The following LAPTM5 variants were observed in gnomAD, a reference collection of about 807,000 sequenced individuals.
LAPTM5 encodes the protein lysosomal-associated transmembrane protein 5.
LAPTM5 carries 11 observed loss-of-function variants against 30.1 expected under a neutral mutation model. That is an observed-to-expected ratio of 0.37 (90% confidence interval 0.23 to 0.60). LAPTM5 has a LOEUF of 0.60. LAPTM5 is among the 20% of genes least tolerant of loss of function. LAPTM5 has a pLI of 0.71. For synonymous variants in LAPTM5, 151 were observed against 137.9 expected (o/e 1.10, Z -0.67); for missense variants, 324 against 332.5 (o/e 0.97, Z 0.20).
intron 2 of LAPTM5, chr1:30,742,009 T>A (rs1249741274): frequency 2.7e-6 from 1 of 365,340 alleles, no homozygotes; most frequent in Non-Finnish European, 5.1e-6. Flanking sequence ...CTGAGAGCAA[T>A]GAGGAATCGG....
At chr1:30,755,936 C>T (rs2124204253) in intron 1 of LAPTM5, among the ~76,000 whole-genome samples, 1 of 152,320 alleles carries the variant, frequency 6.6e-6, no homozygotes, top group South Asian at 2.1e-4. Context: ...CTCCCGGGGT[C>T]ACCGCAGGCC....
At position 30,739,450 on chromosome 1, in the gene LAPTM5, T is replaced by C. The variant is rs142810679; in HGVS notation, c.387+359A>G. ...CTTCTCTTCCTTTCTTCAACTTGGT[T>C]CCAAAGAAGAAATAATACTGGGGGC... is the stretch of plus-strand genomic sequence containing the variant. On this transcript the variant is annotated intron_variant, in intron 4 of 7. Coordinates refer to ENST00000294507, the MANE Select transcript of LAPTM5 (RefSeq NM_006762.3). The surrounding 1 kb of genome is among the most constrained non-coding windows in gnomAD (Gnocchi z 4.2). 6.6e-6 allele frequency among the ~76,000 whole-genome samples: 1 copy of C among 152,228 alleles called. No individual in the cohort carries two copies. The highest frequency in any genetic ancestry group is 1.5e-5 in the Non-Finnish European group (1 of 68,030).
intron 1 of LAPTM5, among the ~76,000 whole-genome samples, chr1:30,750,484 C>G (rs1481766972): frequency 6.6e-6 from 1 of 152,220 alleles, no homozygotes; most frequent in Admixed American, 6.5e-5. Context: ...GGCCGACTGA[C>G]CATACACTCT....
intron 2 of LAPTM5, 105 bp from the exon 3 acceptor site, chr1:30,741,821 G>T: frequency 1.4e-6 from 1 of 734,110 alleles, no homozygotes; most frequent in Non-Finnish European, 2.2e-6. Context: ...ACATGAGGAT[G>T]CACAGGAAAG....
At chr1:30,733,952 T>C in intron 7 of LAPTM5, 35 bp from the exon 8 acceptor site, 1 of 1,596,080 alleles carries the variant, frequency 6.3e-7, no homozygotes, top group Non-Finnish European at 8.5e-7. Flanking sequence ...CTGAGTATGG[T>C]CAAGAATGAC....
intron 1 of LAPTM5, among the ~76,000 whole-genome samples, chr1:30,749,791 C>T (rs1640105001): frequency 6.6e-6 from 1 of 152,200 alleles, no homozygotes. Context: ...GCATGAGACG[C>T]ATTCAGGAAA....
intron 1 of LAPTM5, among the ~76,000 whole-genome samples, chr1:30,751,022 A>G (rs1236082570): frequency 1.3e-5 from 2 of 152,232 alleles, no homozygotes; most frequent in African/African-American, 4.8e-5. Context: ...GTGAGCTCAG[A>G]GCGAAGTCCT....
At chr1:30,750,351 G>A (rs1640115703) in intron 1 of LAPTM5, among the ~76,000 whole-genome samples, 1 of 152,166 alleles carries the variant, frequency 6.6e-6, no homozygotes, top group Non-Finnish European at 1.5e-5. Context: ...TACTATTATT[G>A]TTGTGCATTT....
At chr1:30,752,545 C>A (rs1268303715) in intron 1 of LAPTM5, among the ~76,000 whole-genome samples, 1 of 152,218 alleles carries the variant, frequency 6.6e-6, no homozygotes, top group Non-Finnish European at 1.5e-5. Flanking sequence ...GGTGCCCAAG[C>A]AAAGCCCTAC....
intron 3 of LAPTM5, among the ~76,000 whole-genome samples, chr1:30,741,371 G>A (rs1018104314): frequency 2.6e-5 from 4 of 152,212 alleles, no homozygotes; most frequent in Admixed American, 2.6e-4. Context: ...TGAGTCATCA[G>A]CTAGTTCTCA....
At position 30,733,733 on chromosome 1, in the gene LAPTM5, A is replaced by C; in HGVS notation, c.*95T>G. 1 of 1,423,610 alleles carries C rather than the reference A, an allele frequency of 7.0e-7. No homozygotes were observed. The highest frequency in any genetic ancestry group is 9.6e-7 in the Non-Finnish European group (1 of 1,044,192). The allele number at this position is 1,423,610 out of a possible 1,614,324, so 88.2% of individuals were successfully genotyped here. On this transcript the variant is annotated 3_prime_UTR_variant, in exon 8 of 8. Transcript: ENST00000294507. ...GATTGTCCTGCCAGGGAGGGGCGGG[A>C]GGGCCCACCCAGGCCACAGGGGCCA...
intron 2 of LAPTM5, chr1:30,742,123 C>A: frequency 2.4e-6 from 1 of 416,338 alleles, no homozygotes; most frequent in Non-Finnish European, 4.4e-6. Flanking sequence ...AGGCTGGATC[C>A]TATGGTGAGG....
intron 6 of LAPTM5, among the ~76,000 whole-genome samples, chr1:30,736,661 C>T (rs960260030): frequency 2.6e-5 from 4 of 152,062 alleles, no homozygotes; most frequent in Admixed American, 2.6e-4. Flanking sequence ...GTTTTGAACT[C>T]CTGGCCTCAA....
chr1:30,737,536 A>G, intron 6 of LAPTM5, 68 bp downstream of exon 6: 1 of 1,146,162 alleles, frequency 8.7e-7, no homozygotes, highest in Admixed American at 1.9e-5. Flanking sequence ...ACAGCTTGGC[A>G]TGGGCAGGCC....
intron 1 of LAPTM5, among the ~76,000 whole-genome samples, chr1:30,752,247 T>C (rs891809093): frequency 1.6e-4 from 25 of 152,200 alleles, no homozygotes; most frequent in South Asian, 1.0e-3. Flanking sequence ...CATCTCTCCA[T>C]GTGTCCTGGA....
chr1:30,750,071 G>A (rs183864660), intron 1 of LAPTM5, among the ~76,000 whole-genome samples: 36 of 152,344 alleles, frequency 2.4e-4, no homozygotes, highest in Admixed American at 1.4e-3. Flanking sequence ...GTGACTGGGC[G>A]CTAGCAGCTA....
intron 1 of LAPTM5, among the ~76,000 whole-genome samples, 170 bp from the exon 2 acceptor site, chr1:30,742,719 G>C (rs747349412): frequency 6.6e-6 from 1 of 152,186 alleles, no homozygotes; most frequent in African/African-American, 2.4e-5. Flanking sequence ...TACACACAGA[G>C]AGCCCATGTT....
At chr1:30,756,201 A>G (rs1231335646) in intron 1 of LAPTM5, among the ~76,000 whole-genome samples, 2 of 152,292 alleles carry the variant, frequency 1.3e-5, no homozygotes, top group East Asian at 3.9e-4. Flanking sequence ...TCAGAGCTTG[A>G]AGGCCTAAAA....
At chr1:30,754,593 A>T (rs1199390232) in intron 1 of LAPTM5, among the ~76,000 whole-genome samples, 1 of 152,130 alleles carries the variant, frequency 6.6e-6, no homozygotes, top group Admixed American at 6.5e-5. Context: ...AAGTTACTGA[A>T]CTTTGAAAAA....
Sources: allele counts gnomAD v4.1 joint callset (sites outside exome capture counted in the v4.1 genomes callset), GRCh38; gene constraint gnomAD v4.1.1; non-coding constraint Gnocchi (gnomAD v3.1); transcripts MANE v1.5; gene names NCBI Gene and HGNC (gene_info 2026-07-23, HGNC 2026-07-21).